The following PRKCI variants were observed in gnomAD, a reference collection of about 807,000 sequenced individuals.
The protein encoded by PRKCI is protein kinase C iota, also known as protein kinase C iota type.
A neutral mutation model predicts 84.0 loss-of-function variants in PRKCI; 43 were observed. That is an observed-to-expected ratio of 0.51 (90% CI 0.40 to 0.66). The LOEUF (loss-of-function observed/expected upper bound fraction) is 0.66. Ranked by LOEUF, PRKCI falls within the 30% of genes least tolerant of loss-of-function variation. PRKCI has a pLI of 0.00. For missense variants in PRKCI, 459 were observed against 745.6 expected (o/e 0.62, Z 4.48); for synonymous variants, 216 against 234.4 (o/e 0.92, Z 0.72).
chr3:170,224,759 A>G (rs1732586376), intron 1 of PRKCI, among the ~76,000 whole-genome samples: 1 of 152,142 alleles, frequency 6.6e-6, no homozygotes. Context: ...CCTGGCCTCA[A>G]ATGATGCGCT....
chr3:170,230,446 T>C (rs909850247), intron 1 of PRKCI, among the ~76,000 whole-genome samples: 7 of 149,966 alleles, frequency 4.7e-5, no homozygotes, highest in Non-Finnish European at 7.5e-5. Context: ...TTCTCCTGCC[T>C]CAGCCTCCCA....
Position 170,270,499 on chromosome 3 carries a change from T to C in PRKCI, c.529T>C (p.Leu177=), listed in dbSNP as rs747502024. The C allele has an allele frequency of 5.6e-6, 9 of 1,613,904 alleles. No individual in the cohort carries two copies. Among genetic ancestry groups the C allele is most frequent in the South Asian group, 1.1e-5 (1 of 91,080 alleles). The change falls in exon 6 of 18, where the codon TTG becomes CTG. Residue 177 remains leucine (L), a synonymous_variant. Transcript: ENST00000295797. The part of the protein sequence containing the change: ...QGYKCINCKL[L]VHKKCHKLVT... ...ATATAAGTGCATCAACTGCAAACTC[T>C]TGGTTCATAAGAAGTGCCATAAACT...
chr3:170,288,162 C>T (rs1010009153), intron 12 of PRKCI, among the ~76,000 whole-genome samples: 1 of 151,230 alleles, frequency 6.6e-6, no homozygotes, highest in Non-Finnish European at 1.5e-5. Flanking sequence ...AGGAGAATGG[C>T]GAGAACCCGG....
At chr3:170,250,332 A>G (rs931269763) in intron 2 of PRKCI, among the ~76,000 whole-genome samples, 1 of 151,748 alleles carries the variant, frequency 6.6e-6, no homozygotes, top group African/African-American at 2.4e-5. Flanking sequence ...TTGCTAAGAT[A>G]TAATTCACCA....
At chr3:170,235,789 A>G (rs1577341561) in intron 2 of PRKCI, among the ~76,000 whole-genome samples, 1 of 150,272 alleles carries the variant, frequency 6.7e-6, no homozygotes, top group African/African-American at 2.5e-5. Context: ...CTGGTCTCAA[A>G]CTCCTGACCT....
At chr3:170,262,774 C>CA (rs1461322329) in intron 3 of PRKCI, among the ~76,000 whole-genome samples, 2 of 152,024 alleles carry the variant, frequency 1.3e-5, no homozygotes, top group Non-Finnish European at 2.9e-5. Context: ...CCAACGTGCC[C>CA]AGCCTAATGC....
At chr3:170,252,274 A>G (rs73034357) in intron 2 of PRKCI, among the ~76,000 whole-genome samples, 11 of 151,218 alleles carry the variant, frequency 7.3e-5, no homozygotes, top group African/African-American at 2.7e-4. Flanking sequence ...TATGTGTCAT[A>G]ACTCTTTTGG....
At chr3:170,222,798 C>A (rs751226441) in intron 1 of PRKCI, 28 bp downstream of exon 1, 2 of 513,232 alleles carry the variant, frequency 3.9e-6, no homozygotes, top group African/African-American at 2.4e-5. Context: ...GGGCGGTGGG[C>A]GGGAGGGGAC....
chr3:170,271,512 A>G (rs1026097346), intron 6 of PRKCI, among the ~76,000 whole-genome samples: 1 of 152,168 alleles, frequency 6.6e-6, no homozygotes, highest in Non-Finnish European at 1.5e-5. Flanking sequence ...AATGAAATGC[A>G]CTTGTACAAT....
At chr3:170,289,382 T>C (rs1038096952) in intron 12 of PRKCI, among the ~76,000 whole-genome samples, 3 of 152,148 alleles carry the variant, frequency 2.0e-5, no homozygotes, top group Admixed American at 6.6e-5. Context: ...CAGGGTGAAA[T>C]TTGAAGAAAA....
intron 2 of PRKCI, among the ~76,000 whole-genome samples, chr3:170,240,726 A>G (rs1462261184): frequency 1.3e-5 from 2 of 152,228 alleles, no homozygotes; most frequent in Admixed American, 1.3e-4. Flanking sequence ...CTGGCATATG[A>G]GAAGTGCTGT....
chr3:170,262,897 G>A (rs561398226), intron 3 of PRKCI, among the ~76,000 whole-genome samples: 1 of 148,900 alleles, frequency 6.7e-6, no homozygotes, highest in Non-Finnish European at 1.5e-5. Flanking sequence ...GTGGCCGGGC[G>A]CGGTGACTCA....
intron 4 of PRKCI, among the ~76,000 whole-genome samples, chr3:170,265,532 T>C (rs1733837561): frequency 6.6e-6 from 1 of 152,232 alleles, no homozygotes; most frequent in African/African-American, 2.4e-5. Context: ...TTTTCATTTG[T>C]GGTTTCTGCA....
At chr3:170,267,416 G>A (rs56005702) in intron 4 of PRKCI, among the ~76,000 whole-genome samples, 4,630 of 152,176 alleles carry the variant, frequency 0.03, 97 homozygotes, top group Non-Finnish European at 0.044. Flanking sequence ...GCTCACGCCT[G>A]TAATCCCAGC....
intron 2 of PRKCI, among the ~76,000 whole-genome samples, chr3:170,248,134 G>A (rs1733336246): frequency 1.3e-5 from 2 of 152,132 alleles, no homozygotes; most frequent in South Asian, 4.2e-4. Flanking sequence ...GCCAACTTTG[G>A]TATTAGGCTG....
At chr3:170,229,835 T>C (rs1161581631) in intron 1 of PRKCI, among the ~76,000 whole-genome samples, 2 of 152,236 alleles carry the variant, frequency 1.3e-5, no homozygotes, top group East Asian at 3.8e-4. Flanking sequence ...GTTATCTGTC[T>C]TTTAAATTTT....
intron 6 of PRKCI, among the ~76,000 whole-genome samples, chr3:170,272,775 G>A (rs1478954848): frequency 1.3e-5 from 2 of 151,960 alleles, no homozygotes; most frequent in African/African-American, 2.4e-5. Context: ...GAGATTATTC[G>A]CCATTATTTG....
chr3:170,294,694 G>A (rs1734650801), intron 14 of PRKCI, among the ~76,000 whole-genome samples: 4 of 152,138 alleles, frequency 2.6e-5, no homozygotes, highest in Admixed American at 2.6e-4. Flanking sequence ...ACAATCCTAT[G>A]AAGTATTTTT....
intron 2 of PRKCI, 58 bp from the exon 3 acceptor site, chr3:170,259,911 G>A (rs1255701394): frequency 5.0e-5 from 47 of 937,476 alleles, no homozygotes; most frequent in Non-Finnish European, 7.3e-5. Context: ...AATTTGTTTA[G>A]TAATCATCAC....
Sources: allele counts gnomAD v4.1 joint callset (sites outside exome capture counted in the v4.1 genomes callset), GRCh38; gene constraint gnomAD v4.1.1; transcripts MANE v1.5; gene names NCBI Gene and HGNC (gene_info 2026-07-23, HGNC 2026-07-21).